The following SLC25A26 variants were observed in gnomAD, a reference collection of about 807,000 sequenced individuals.
SLC25A26 encodes the protein mitochondrial S-adenosylmethionine carrier protein.
A neutral mutation model predicts 37.8 loss-of-function variants in SLC25A26; 36 were observed. The observed-to-expected ratio is 0.95, with a 90% CI of 0.73 to 1.26. SLC25A26 has a LOEUF of 1.26. SLC25A26 is among the 50% of genes most tolerant of loss of function. SLC25A26 has a pLI of 0.00. For missense variants in SLC25A26, 390 were observed against 331.1 expected, an observed-to-expected ratio of 1.18 and a Z score of -1.38; for synonymous variants, 129 against 122.5, an observed-to-expected ratio of 1.05 and a Z score of -0.35.
chr3:66,160,560 A>T (rs1486843391), intron 1 of SLC25A26, among the ~76,000 whole-genome samples: 1 of 152,208 alleles, frequency 6.6e-6, no homozygotes, highest in African/African-American at 2.4e-5. Context: ...ATATTGCAAA[A>T]TGAATTATTC....
chr3:66,196,627 A>G (rs1451252063), intron 1 of SLC25A26, among the ~76,000 whole-genome samples: 2 of 152,244 alleles, frequency 1.3e-5, no homozygotes, highest in Non-Finnish European at 2.9e-5. Context: ...CTATAGCCTT[A>G]AAATAGAATT....
chr3:66,292,517 TG>T (rs2074747884), intron 5 of SLC25A26, among the ~76,000 whole-genome samples: 1 of 152,200 alleles, frequency 6.6e-6, no homozygotes, highest in South Asian at 2.1e-4. Flanking sequence ...TCTCAGCATT[TG>T]CTTGTCCATA....
intron 5 of SLC25A26, among the ~76,000 whole-genome samples, chr3:66,311,441 C>T (rs1406090882): frequency 1.3e-5 from 2 of 151,992 alleles, no homozygotes; most frequent in Non-Finnish European, 2.9e-5. Flanking sequence ...AGAACATGCT[C>T]CTTTAGCTCC....
intron 7 of SLC25A26, among the ~76,000 whole-genome samples, chr3:66,364,667 C>T (rs1051913897): frequency 1.3e-5 from 2 of 152,074 alleles, no homozygotes; most frequent in African/African-American, 4.8e-5. Context: ...AAAACCGAGT[C>T]GATGTAAGGA....
chr3:66,292,143 A>G (rs916756219), intron 5 of SLC25A26, among the ~76,000 whole-genome samples: 1 of 151,586 alleles, frequency 6.6e-6, no homozygotes, highest in Non-Finnish European at 1.5e-5. Flanking sequence ...TTTGGTTTCC[A>G]TTTGCTTGGT....
intron 1 of SLC25A26, among the ~76,000 whole-genome samples, chr3:66,208,733 C>A (rs1488124506): frequency 1.3e-4 from 18 of 138,528 alleles, no homozygotes; most frequent in Admixed American, 1.0e-3. Context: ...TATATATACA[C>A]ATTTATATGG....
chr3:66,325,159 C>G (rs1020668668), intron 5 of SLC25A26, among the ~76,000 whole-genome samples: 2 of 152,112 alleles, frequency 1.3e-5, no homozygotes, highest in Admixed American at 6.6e-5. Context: ...CCCTCAGAAG[C>G]CTTCATGCAG....
intron 5 of SLC25A26, among the ~76,000 whole-genome samples, chr3:66,345,123 A>G (rs1057221630): frequency 6.6e-6 from 1 of 152,126 alleles, no homozygotes; most frequent in African/African-American, 2.4e-5. Context: ...ACCTAACTCT[A>G]AGTGTGGTGA....
rs541192882 is a variant in SLC25A26 at position 66,282,072 on chromosome 3, C to T, written c.453+18693C>T. On this transcript the variant is annotated intron_variant, in intron 5 of 9. Transcript: ENST00000354883. ...CAGGCCGGACTGCGGACTGCAGTGGCGCAATCTCGGCTCACTGCAAGCTCC... is the reference window on the plus strand; with the variant it reads ...CAGGCCGGACTGCGGACTGCAGTGGTGCAATCTCGGCTCACTGCAAGCTCC... Among the ~76,000 whole-genome samples the T allele has an allele frequency of 5.0e-3, 692 of 137,078 alleles. 10 individuals carry two copies. The highest frequency in any genetic ancestry group is 0.014 in the African/African-American group (497 of 35,386). The allele number at this position is 137,078 out of a possible 152,430, so 89.9% of individuals were successfully genotyped here.
intron 1 of SLC25A26, 159 bp downstream of exon 1, chr3:66,221,286 A>AC (rs2071480761): frequency 3.0e-6 from 1 of 330,878 alleles, no homozygotes; most frequent in African/African-American, 2.2e-5. Flanking sequence ...CTCCCAGGCC[A>AC]CCGGCGGGCC....
intron 9 of SLC25A26, among the ~76,000 whole-genome samples, chr3:66,376,850 T>TAA (rs1333093733): frequency 2.0e-5 from 3 of 152,248 alleles, no homozygotes; most frequent in Non-Finnish European, 4.4e-5. Flanking sequence ...GACACATCCC[T>TAA]GGCTTGCCTT....
chr3:66,221,384 C>G (rs578037995), intron 1 of SLC25A26, among the ~76,000 whole-genome samples: 23 of 152,268 alleles, frequency 1.5e-4, no homozygotes, highest in African/African-American at 5.5e-4. Context: ...CCCTCATTTA[C>G]TTAAAAAAGA....
chr3:66,247,129 G>T (rs1157538144), intron 3 of SLC25A26, among the ~76,000 whole-genome samples: 1 of 152,090 alleles, frequency 6.6e-6, no homozygotes, highest in East Asian at 1.9e-4. Flanking sequence ...CTCCTAAAGT[G>T]CTGGGATTAC....
intron 5 of SLC25A26, among the ~76,000 whole-genome samples, chr3:66,297,151 C>G (rs912016706): frequency 1.3e-5 from 2 of 151,844 alleles, no homozygotes; most frequent in Non-Finnish European, 2.9e-5. Flanking sequence ...ATGATGAAAC[C>G]CCTATCTCTA....
At chr3:66,240,250 A>G (rs527706464) in intron 2 of SLC25A26, among the ~76,000 whole-genome samples, 2 of 152,302 alleles carry the variant, frequency 1.3e-5, no homozygotes, top group East Asian at 1.9e-4. Context: ...GTAGTATAGT[A>G]TGTGCTACAG....
intron 6 of SLC25A26, among the ~76,000 whole-genome samples, chr3:66,359,101 C>G (rs921197464): frequency 1.3e-5 from 2 of 152,130 alleles, no homozygotes; most frequent in African/African-American, 2.4e-5. Context: ...TTATTCTGGC[C>G]AGGTGATAGT....
At chr3:66,356,985 G>A (rs2076591238) in intron 6 of SLC25A26, among the ~76,000 whole-genome samples, 1 of 152,146 alleles carries the variant, frequency 6.6e-6, no homozygotes, top group Non-Finnish European at 1.5e-5. Context: ...CAAAATAAGT[G>A]TCATACAACC....
At chr3:66,174,700 G>C (rs1463872374) in intron 1 of SLC25A26, among the ~76,000 whole-genome samples, 1 of 151,476 alleles carries the variant, frequency 6.6e-6, no homozygotes, top group Non-Finnish European at 1.5e-5. Flanking sequence ...GCAGGAGAAT[G>C]ACGTGAACCC....
chr3:66,254,817 T>C (rs946414973), intron 3 of SLC25A26, among the ~76,000 whole-genome samples: 2 of 152,230 alleles, frequency 1.3e-5, no homozygotes, highest in Non-Finnish European at 2.9e-5. Flanking sequence ...TGATGGAGTT[T>C]CTTGGAGAAA....
Sources: allele counts gnomAD v4.1 joint callset (sites outside exome capture counted in the v4.1 genomes callset), GRCh38; gene constraint gnomAD v4.1.1; transcripts MANE v1.5; gene names NCBI Gene and HGNC (gene_info 2026-07-23, HGNC 2026-07-21).